TERF1: variants seen among roughly 807,000 people sequenced by gnomAD.
TERF1 encodes telomeric repeat-binding factor 1.
Under a neutral mutation model 55.1 loss-of-function variants are expected in TERF1, and 20 were observed. The observed-to-expected ratio is 0.36, with a 90% confidence interval of 0.26 to 0.53. The LOEUF is 0.53. TERF1 is among the 20% of genes least tolerant of loss of function. TERF1 has a pLI of 0.91. For missense variants in TERF1, 439 were observed against 535.7 expected, an observed-to-expected ratio of 0.82 and a Z score of 1.78; for synonymous variants, 168 against 181.2, an observed-to-expected ratio of 0.93 and a Z score of 0.59.
rs765985026 is a variant in TERF1 at position 73,008,871 on chromosome 8, A to T, written c.-16A>T. 12 of 1,592,218 alleles carry T rather than the reference A, an allele frequency of 7.5e-6. No homozygotes were observed. Among genetic ancestry groups the T allele is most frequent in the Non-Finnish European group, 1.0e-5 (12 of 1,170,576 alleles). On this transcript the variant is annotated 5_prime_UTR_variant, in exon 1 of 10. Coordinates refer to ENST00000276603, the MANE Select transcript of TERF1 (RefSeq NM_017489.3). ...CTCGGCGCCTGAAGGGGCAGTACCC[A>T]AGCGAGCCATTTAACATGGCGGAGG...
At chr8:73,034,378 C>T (rs549264430) in intron 8 of TERF1, among the ~76,000 whole-genome samples, 2 of 152,098 alleles carry the variant, frequency 1.3e-5, no homozygotes, top group African/African-American at 4.8e-5. Context: ...GCAATCCGCC[C>T]ACCTCGGCCT....
At chr8:73,045,866 G>A in intron 9 of TERF1, 95 bp from the exon 10 acceptor site, 1 of 929,206 alleles carries the variant, frequency 1.1e-6, no homozygotes, top group East Asian at 3.0e-5. Context: ...AAGAAACTAA[G>A]CATTATTTTG....
Position 73,046,230 on chromosome 8 carries a change from T to C in TERF1, c.*93T>C, listed in dbSNP as rs1810027451. On this transcript the variant is annotated 3_prime_UTR_variant, in exon 10 of 10. Transcript: ENST00000276603. ...GTGTCATTGATGTAATTTAAAACTT[T>C]TGTTTAAAGCATTACAGTATTTTTC... 8.5e-7 allele frequency: 1 copy of C among 1,181,270 alleles called. No individual in the cohort carries two copies. The highest frequency in any genetic ancestry group is 1.2e-6 in the Non-Finnish European group (1 of 866,308). 73.2% of individuals were successfully genotyped at this position (1,181,270 alleles called of 1,614,324 possible). A position where few individuals can be genotyped will look rare whatever the true frequency, so the allele number is the denominator to read the frequency against.
chr8:73,024,341 A>G (rs1276329892), intron 4 of TERF1, among the ~76,000 whole-genome samples: 1 of 152,224 alleles, frequency 6.6e-6, no homozygotes. Context: ...CAAGTTTCAA[A>G]AGAATACGCA....
At chr8:73,014,059 A>C in intron 2 of TERF1, 69 bp downstream of exon 2, 1 of 1,356,310 alleles carries the variant, frequency 7.4e-7, no homozygotes, top group Non-Finnish European at 1.0e-6. Context: ...AATGGGAAGA[A>C]ACAGACGTTT....
chr8:73,040,836 A>G (rs1022801918), intron 9 of TERF1, among the ~76,000 whole-genome samples: 1 of 151,952 alleles, frequency 6.6e-6, no homozygotes, highest in Non-Finnish European at 1.5e-5. Flanking sequence ...TTCTATTAAT[A>G]TATCTTCAAA....
chr8:73,047,087 C>G lies in TERF1; in HGVS notation c.*950C>G, dbSNP rs1586077615. 1 of 152,124 alleles carries G rather than the reference C, an allele frequency of 6.6e-6. No individual in the cohort carries two copies. Among genetic ancestry groups the G allele is most frequent in the African/African-American group, 2.4e-5 (1 of 41,414 alleles). The allele number at this position is 152,124 out of a possible 1,614,324, so 9.4% of individuals were successfully genotyped here. ...TACCTACTGGGGACTGTGCTCACTA[C>G]CTGGGTGACAGGATCATACGTACCC... On this transcript the variant is annotated 3_prime_UTR_variant, in exon 10 of 10. Transcript: ENST00000276603.
At chr8:73,038,615 A>G (rs917583200) in intron 8 of TERF1, 79 of 211,442 alleles carry the variant, frequency 3.7e-4, no homozygotes, top group African/African-American at 1.8e-3. Context: ...TATTGATCTT[A>G]CTGATCTTTT....
chr8:73,014,776 G>A (rs977247447), intron 2 of TERF1, among the ~76,000 whole-genome samples: 2 of 152,198 alleles, frequency 1.3e-5, no homozygotes, highest in Non-Finnish European at 2.9e-5. Flanking sequence ...CCACTGTCAA[G>A]GCCTTCACTA....
At chr8:73,020,448 G>A (rs1042390388) in intron 2 of TERF1, among the ~76,000 whole-genome samples, 1 of 152,086 alleles carries the variant, frequency 6.6e-6, no homozygotes, top group Non-Finnish European at 1.5e-5. Context: ...TAAAATTCAT[G>A]TTTTTGTAAA....
At chr8:73,011,779 C>G (rs1010238066) in intron 1 of TERF1, 55 of 151,736 alleles carry the variant, frequency 3.6e-4, no homozygotes, top group African/African-American at 1.1e-3. Flanking sequence ...TAGACTTGCT[C>G]TGGATTAGGC....
At chr8:73,015,522 C>T (rs187217441) in intron 2 of TERF1, among the ~76,000 whole-genome samples, 1 of 151,736 alleles carries the variant, frequency 6.6e-6, no homozygotes, top group Non-Finnish European at 1.5e-5. Flanking sequence ...GGCAACATAG[C>T]GAGACCCTGT....
chr8:73,037,429 A>T (rs1220937532), intron 8 of TERF1, among the ~76,000 whole-genome samples: 1 of 126,156 alleles, frequency 7.9e-6, no homozygotes, highest in South Asian at 2.2e-4. Flanking sequence ...TTTTATATAT[A>T]ATATATAATA....
intron 9 of TERF1, among the ~76,000 whole-genome samples, chr8:73,043,978 GA>G (rs1473309446): frequency 2.6e-5 from 4 of 152,166 alleles, no homozygotes; most frequent in Non-Finnish European, 4.4e-5. Context: ...ATTTGTATAT[GA>G]AATTTTAGAT....
At position 73,030,400 on chromosome 8, in the gene TERF1, A is replaced by G. The variant is rs886935823; in HGVS notation, c.947+5A>G. 1 of 1,486,220 alleles carries G rather than the reference A, an allele frequency of 6.7e-7. No homozygotes were observed. Among genetic ancestry groups the G allele is most frequent in the African/African-American group, 1.5e-5 (1 of 68,572 alleles). The allele number at this position is 1,486,220 out of a possible 1,614,324, so 92.1% of individuals were successfully genotyped here. ...GGGTACAGTATCCTTATTGAGGTGA[A>G]GTAAATTGACGTTTTTCTTCTTTGT... On this transcript the variant is annotated splice_donor_5th_base_variant and intron_variant, in intron 7 of 9. Transcript: ENST00000276603.
rs142707460 is a variant in TERF1 at position 73,040,169 on chromosome 8, C to T, written c.1143+950C>T. ...AGCAACTTCTACTTTTCATTTGCTT[C>T]CTACACATATTACTTGCCTTTGTGA... is the stretch of plus-strand genomic sequence containing the variant. On this transcript the variant is annotated intron_variant, in intron 9 of 9. Coordinates refer to ENST00000276603, the MANE Select transcript of TERF1 (RefSeq NM_017489.3). 3.9e-5 allele frequency among the ~76,000 whole-genome samples: 6 copies of T among 152,252 alleles called. No individual in the cohort carries two copies. In the East Asian group the frequency reaches 1.2e-3, roughly 29 times the overall value.
intron 8 of TERF1, among the ~76,000 whole-genome samples, chr8:73,038,014 C>A (rs1184321192): frequency 6.9e-6 from 1 of 144,914 alleles, no homozygotes; most frequent in Non-Finnish European, 1.5e-5. Context: ...GATGTGGAAC[C>A]TGCGAATATA....
At chr8:73,036,853 A>C (rs969924050) in intron 8 of TERF1, among the ~76,000 whole-genome samples, 1 of 138,074 alleles carries the variant, frequency 7.2e-6, no homozygotes, top group African/African-American at 3.0e-5. Flanking sequence ...ATTTATATAT[A>C]ATATATTATA....
At position 73,027,060 on chromosome 8, in the gene TERF1, AT is replaced by A. The variant is rs762161727; in HGVS notation, c.887+11del. 1 of 1,579,514 alleles carries A rather than the reference AT, an allele frequency of 6.3e-7. No homozygotes were observed. Among genetic ancestry groups the A allele is most frequent in the South Asian group, 1.1e-5 (1 of 88,362 alleles). On this transcript the variant is annotated intron_variant, in intron 6 of 9. Transcript: ENST00000276603. ...TTTGGATACAAGAAAAAGGTTTGTA[AT>A]TTAATCAATTTGTATATTTTTTGTT...
Sources: gnomAD v4.1 joint callset for allele counts (sites outside exome capture counted in the v4.1 genomes callset) on GRCh38, gnomAD v4.1.1 for gene constraint, MANE v1.5 for transcripts, NCBI Gene and HGNC (gene_info 2026-07-23, HGNC 2026-07-21) for gene names.